Variants in ERC1 observed in about 807,000 individuals in gnomAD.
The protein encoded by ERC1 is RAB6 interacting protein 2.
Under a neutral mutation model 132.0 loss-of-function variants are expected in ERC1, and 56 were observed. That is an observed-to-expected ratio of 0.42 (90% confidence interval 0.34 to 0.53). The LOEUF is 0.53. ERC1 is among the 20% of genes least tolerant of loss of function. ERC1 has a pLI of 0.03. For missense variants in ERC1, 1,202 were observed against 1,349.9 expected (o/e 0.89, Z 1.72); for synonymous variants, 478 against 476.1 (o/e 1.00, Z -0.05).
chr12:1,398,126 G>A (rs2090696275), intron 16 of ERC1, among the ~76,000 whole-genome samples: 1 of 152,002 alleles, frequency 6.6e-6, no homozygotes, highest in Admixed American at 6.6e-5. Context: ...TGGGACTGCG[G>A]GCACATGCCA....
intron 15 of ERC1, among the ~76,000 whole-genome samples, chr12:1,297,912 C>T (rs966853210): frequency 6.6e-6 from 1 of 152,044 alleles, no homozygotes; most frequent in Non-Finnish European, 1.5e-5. Flanking sequence ...TTGTAAGGTT[C>T]TTACGTTCGT....
At chr12:994,404 G>A (rs951544405) in intron 1 of ERC1, among the ~76,000 whole-genome samples, 3 of 152,060 alleles carry the variant, frequency 2.0e-5, no homozygotes, top group African/African-American at 7.2e-5. Flanking sequence ...CTAGAGTTTG[G>A]GTTCTGGGGT....
intron 2 of ERC1, among the ~76,000 whole-genome samples, chr12:1,029,284 G>T (rs141426119): frequency 6.6e-6 from 1 of 152,060 alleles, no homozygotes; most frequent in Non-Finnish European, 1.5e-5. Flanking sequence ...CCTGGGAGGC[G>T]GAGGTTGCAG....
chr12:1,415,423 T>C (rs149887331), intron 17 of ERC1, among the ~76,000 whole-genome samples: 1 of 152,378 alleles, frequency 6.6e-6, no homozygotes, highest in African/African-American at 2.4e-5. Flanking sequence ...CTTTTCTTTT[T>C]CATTAGAGAT....
chr12:1,101,746 G>C (rs1322684951), intron 3 of ERC1, among the ~76,000 whole-genome samples: 2 of 152,178 alleles, frequency 1.3e-5, no homozygotes, highest in Non-Finnish European at 2.9e-5. Context: ...CACGGTGCGA[G>C]ATAAATAGAT....
rs368234236 is a variant in ERC1, at chr12:1,274,480, T to TTTTATTTA, written c.2619+11338_2619+11345dup. 1.2e-3 allele frequency among the ~76,000 whole-genome samples: 184 copies of TTTTATTTA among 150,224 alleles called. 1 individual carries two copies. Among genetic ancestry groups the TTTTATTTA allele is most frequent in the South Asian group, 7.6e-3 (36 of 4,764 alleles). On this transcript the variant is annotated intron_variant, in intron 14 of 18. Coordinates refer to ENST00000360905, the MANE Select transcript of ERC1 (RefSeq NM_178040.4). ...ATCTCGTCTATTTTATTTTATTTTA[T>TTTTATTTA]TTTATTTATTTATTTATTTATTTAT...
rs754759929 is a variant in ERC1 at position 1,492,264 on chromosome 12, G to GT, written c.*2036dup. ...AGTAAGTGGTGGTCGTTTGTGGTCA[G>GT]TTACCTCAATTCTGTTCATTGCAGT... On this transcript the variant is annotated 3_prime_UTR_variant, in exon 19 of 19. Coordinates refer to ENST00000360905, the MANE Select transcript of ERC1 (RefSeq NM_178040.4). 4 of 233,172 alleles carry GT rather than the reference G, an allele frequency of 1.7e-5. No individual in the cohort carries two copies. The highest frequency in any genetic ancestry group is 3.4e-5 in the Non-Finnish European group (4 of 118,048). The allele number at this position is 233,172 out of a possible 1,614,324, so 14.4% of individuals were successfully genotyped here.
intron 17 of ERC1, among the ~76,000 whole-genome samples, chr12:1,421,488 C>A (rs1296853447): frequency 6.6e-6 from 1 of 152,090 alleles, no homozygotes; most frequent in East Asian, 1.9e-4. Flanking sequence ...TATCTTCATA[C>A]ACTAAATCAG....
chr12:1,455,424 A>G (rs2093510732), intron 18 of ERC1, among the ~76,000 whole-genome samples: 1 of 152,114 alleles, frequency 6.6e-6, no homozygotes, highest in South Asian at 2.1e-4. Flanking sequence ...TTCTCTGTTT[A>G]CTTTAGGATG....
At chr12:1,457,316 C>G (rs753034283) in intron 18 of ERC1, among the ~76,000 whole-genome samples, 1 of 152,080 alleles carries the variant, frequency 6.6e-6, no homozygotes. Flanking sequence ...TAGTACCCCA[C>G]GATATTAAAA....
chr12:1,130,542 GTCT>G (rs1255189790), intron 7 of ERC1, among the ~76,000 whole-genome samples: 2 of 151,924 alleles, frequency 1.3e-5, no homozygotes, highest in East Asian at 1.9e-4. Flanking sequence ...CCAATACTGT[GTCT>G]TCTTTGTCTG....
intron 15 of ERC1, among the ~76,000 whole-genome samples, chr12:1,308,870 AC>A (rs1309658543): frequency 2.6e-5 from 4 of 152,064 alleles, no homozygotes; most frequent in Non-Finnish European, 4.4e-5. Flanking sequence ...TGAGATTCTG[AC>A]CCCAAGGTGA....
chr12:1,045,387 T>G (rs1042888950), intron 2 of ERC1, among the ~76,000 whole-genome samples: 2 of 152,126 alleles, frequency 1.3e-5, no homozygotes, highest in Non-Finnish European at 1.5e-5. Flanking sequence ...GATGCTGTTA[T>G]CAAAGGCATC....
intron 18 of ERC1, among the ~76,000 whole-genome samples, chr12:1,451,205 G>C (rs73597998): frequency 0.017 from 2,548 of 152,096 alleles, 68 homozygotes; most frequent in African/African-American, 0.059. Flanking sequence ...ATATTTTATA[G>C]AGATTAAGAT....
intron 2 of ERC1, among the ~76,000 whole-genome samples, chr12:1,036,469 G>C (rs1854048439): frequency 1.3e-5 from 2 of 151,256 alleles, no homozygotes; most frequent in South Asian, 2.1e-4. Context: ...CCACCTCCCA[G>C]GTTCAAGTGA....
At chr12:1,285,393 T>G (rs1307938771) in intron 14 of ERC1, among the ~76,000 whole-genome samples, 1 of 152,106 alleles carries the variant, frequency 6.6e-6, no homozygotes, top group Non-Finnish European at 1.5e-5. Flanking sequence ...AGCCCAAAAT[T>G]CATTCTTTGA....
intron 15 of ERC1, among the ~76,000 whole-genome samples, chr12:1,338,251 A>G (rs2083478036): frequency 6.6e-6 from 1 of 151,888 alleles, no homozygotes; most frequent in Non-Finnish European, 1.5e-5. Context: ...TCTTTTCTCT[A>G]TTATTGTCTG....
At position 1,492,602 on chromosome 12, in the gene ERC1, A is replaced by G. The variant is rs140209798; in HGVS notation, c.*2372A>G. 6.5e-4 allele frequency: 152 copies of G among 233,136 alleles called. No homozygotes were observed. The highest frequency in any genetic ancestry group is 3.0e-3 in the African/African-American group (138 of 45,448). 14.4% of individuals were successfully genotyped at this position (233,136 alleles called of 1,614,324 possible). Reference sequence around the variant, plus strand: ...ATTCTCCATCACTTCCCCTCCAGAAAAACGGATGGAAGGAAGCCCTCTGTG... The same window carrying G: ...ATTCTCCATCACTTCCCCTCCAGAAGAACGGATGGAAGGAAGCCCTCTGTG... On this transcript the variant is annotated 3_prime_UTR_variant, in exon 19 of 19. Coordinates refer to ENST00000360905, the MANE Select transcript of ERC1 (RefSeq NM_178040.4).
At chr12:1,217,371 A>G (rs553434722) in intron 12 of ERC1, among the ~76,000 whole-genome samples, 3 of 152,180 alleles carry the variant, frequency 2.0e-5, no homozygotes, top group Non-Finnish European at 4.4e-5. Context: ...ATCTTTACAC[A>G]GTTTGGGAAA....
Sources: allele counts gnomAD v4.1 joint callset (sites outside exome capture counted in the v4.1 genomes callset), GRCh38; gene constraint gnomAD v4.1.1; transcripts MANE v1.5; gene names NCBI Gene and HGNC (gene_info 2026-07-23, HGNC 2026-07-21).